FBXW7: variants seen among roughly 807,000 people sequenced by gnomAD.
The protein encoded by FBXW7 is F-box and WD repeat domain containing 7, also known as F-box/WD repeat-containing protein 7.
In FBXW7, 11 loss-of-function variants were observed where a neutral mutation model predicts 86.3. The observed-to-expected ratio is 0.13, with a 90% CI of 0.08 to 0.21. The LOEUF is 0.21. FBXW7 is among the 10% of genes least tolerant of loss of function. The pLI is 1.00. For missense variants in FBXW7, 488 were observed against 847.4 expected (o/e 0.58, Z 5.27); for synonymous variants, 313 against 297.9 (o/e 1.05, Z -0.52).
chr4:152,327,543 G>T lies in FBXW7; in HGVS notation c.1418+665C>A, dbSNP rs60829330. Among the ~76,000 whole-genome samples the T allele has an allele frequency of 1.0e-2, 1,520 of 152,150 alleles. 21 individuals are homozygous for T. The highest frequency in any genetic ancestry group is 0.043 in the East Asian group (222 of 5,182). On this transcript the variant is annotated intron_variant, in intron 11 of 13. Coordinates refer to ENST00000281708, the MANE Select transcript of FBXW7 (RefSeq NM_001349798.2). ...AGATAAAAGCAACAGCAAAGGCACT[G>T]AGAAGAGAAAGTCAAAAAGTCCAGT...
chr4:152,516,468 C>G (rs1748507171), intron 2 of FBXW7, among the ~76,000 whole-genome samples: 1 of 152,180 alleles, frequency 6.6e-6, no homozygotes, highest in East Asian at 1.9e-4. Context: ...CCCGCATCCA[C>G]GGAAAAACTG....
intron 4 of FBXW7, among the ~76,000 whole-genome samples, chr4:152,382,873 C>A (rs562473908): frequency 6.6e-6 from 1 of 151,912 alleles, no homozygotes; most frequent in Non-Finnish European, 1.5e-5. Context: ...ACTGTGTTTA[C>A]GTATGGTTTA....
chr4:152,349,174 G>C (rs1560789223), intron 5 of FBXW7, among the ~76,000 whole-genome samples: 1 of 151,896 alleles, frequency 6.6e-6, no homozygotes, highest in African/African-American at 2.4e-5. Flanking sequence ...GCATCTTATA[G>C]AATAAAAATA....
At chr4:152,351,662 G>A (rs753313574) in intron 4 of FBXW7, among the ~76,000 whole-genome samples, 46 of 152,102 alleles carry the variant, frequency 3.0e-4, no homozygotes, top group African/African-American at 1.1e-3. Context: ...TACAGACTAT[G>A]TTAAAATCTA....
In FBXW7 at chr4:152,444,359, T is replaced by C. The variant is rs1741184996; in HGVS notation, c.-119-31830A>G. Among the ~76,000 whole-genome samples the C allele has an allele frequency of 2.0e-5, 3 of 151,854 alleles. No homozygotes were observed. The South Asian group carries it at 6.2e-4, about 31-fold the overall frequency. ...AAACCATTTATCTGATGTTTGAAATTGAGTTGTTTCCAGTTTTTCACCATT... is the reference window on the plus strand; with the variant it reads ...AAACCATTTATCTGATGTTTGAAATCGAGTTGTTTCCAGTTTTTCACCATT... On this transcript the variant is annotated intron_variant, in intron 2 of 13. Coordinates refer to ENST00000281708, the MANE Select transcript of FBXW7 (RefSeq NM_001349798.2).
chr4:152,352,927 T>C (rs1346760816), intron 4 of FBXW7: 3 of 1,418,402 alleles, frequency 2.1e-6, no homozygotes, highest in Non-Finnish European at 2.8e-6. Context: ...GCACATCAAT[T>C]ATATGGTGAT....
chr4:152,517,486 T>C (rs907880282), intron 2 of FBXW7, among the ~76,000 whole-genome samples: 1 of 152,090 alleles, frequency 6.6e-6, no homozygotes, highest in Non-Finnish European at 1.5e-5. Flanking sequence ...ATAAATAATA[T>C]ATAAGAAATA....
At chr4:152,323,388 A>G in intron 13 of FBXW7, 1 of 550,766 alleles carries the variant, frequency 1.8e-6, no homozygotes, top group Non-Finnish European at 3.2e-6. Flanking sequence ...AAGCTTGGTT[A>G]GCTACCAGAC....
intron 2 of FBXW7, among the ~76,000 whole-genome samples, chr4:152,471,436 G>A (rs1318284564): frequency 8.0e-6 from 1 of 124,282 alleles, no homozygotes; most frequent in Admixed American, 8.7e-5. Context: ...AAGGAAGGAG[G>A]GAAGGAAAGA....
chr4:152,388,189 A>G (rs944859267), intron 4 of FBXW7, among the ~76,000 whole-genome samples: 1 of 152,166 alleles, frequency 6.6e-6, no homozygotes, highest in Non-Finnish European at 1.5e-5. Flanking sequence ...TTCCAATTAT[A>G]ATGTATTTGA....
At chr4:152,394,023 C>T (rs1736208411) in intron 4 of FBXW7, among the ~76,000 whole-genome samples, 1 of 152,084 alleles carries the variant, frequency 6.6e-6, no homozygotes, top group African/African-American at 2.4e-5. Flanking sequence ...ATACTTATTA[C>T]AAGGAATGAA....
intron 5 of FBXW7, among the ~76,000 whole-genome samples, chr4:152,348,138 C>T (rs879811578): frequency 3.3e-5 from 5 of 151,884 alleles, no homozygotes; most frequent in Non-Finnish European, 7.4e-5. Flanking sequence ...TGAAACAACT[C>T]CTCCAGCTGT....
chr4:152,505,837 G>T (rs1377518503), intron 2 of FBXW7, among the ~76,000 whole-genome samples: 1 of 151,594 alleles, frequency 6.6e-6, no homozygotes, highest in Admixed American at 6.6e-5. Flanking sequence ...TGCCTCCCAG[G>T]TTCAAGCAAT....
At chr4:152,423,072 T>C (rs894982559) in intron 2 of FBXW7, among the ~76,000 whole-genome samples, 1 of 152,218 alleles carries the variant, frequency 6.6e-6, no homozygotes, top group African/African-American at 2.4e-5. Flanking sequence ...AGAGGCTTTA[T>C]TGAACTTGGT....
At chr4:152,335,458 ACT>A (rs1255889424) in intron 7 of FBXW7, among the ~76,000 whole-genome samples, 1 of 152,010 alleles carries the variant, frequency 6.6e-6, no homozygotes, top group Non-Finnish European at 1.5e-5. Context: ...ACAGAGTGAG[ACT>A]CTTGTCTGTC....
At position 152,477,055 on chromosome 4, in the gene FBXW7, C is replaced by CA. The variant is rs768143626; in HGVS notation, c.-120+57885dup. ...TGGGAACCAGGGCTTGGAAAAGCGGCAAAAAAAAAAAAAGGAAGCTAATAC... is the reference window on the plus strand; with the variant it reads ...TGGGAACCAGGGCTTGGAAAAGCGGCAAAAAAAAAAAAAAGGAAGCTAATAC... On this transcript the variant is annotated intron_variant, in intron 2 of 13. Coordinates refer to ENST00000281708, the MANE Select transcript of FBXW7 (RefSeq NM_001349798.2). 8.4e-3 allele frequency among the ~76,000 whole-genome samples: 1,097 copies of CA among 131,162 alleles called. 7 individuals carry two copies. The highest frequency in any genetic ancestry group is 0.011 in the Non-Finnish European group (663 of 60,442). 86.0% of individuals were successfully genotyped at this position (131,162 alleles called of 152,430 possible). A position where few individuals can be genotyped will look rare whatever the true frequency, so the allele number is the denominator to read the frequency against.
chr4:152,531,826 T>C (rs1750048082), intron 2 of FBXW7, among the ~76,000 whole-genome samples: 1 of 152,042 alleles, frequency 6.6e-6, no homozygotes, highest in Admixed American at 6.6e-5. Context: ...TATTATTAAG[T>C]ATACTCTTCT....
At chr4:152,352,708 A>C in intron 4 of FBXW7, 2 of 1,613,900 alleles carry the variant, frequency 1.2e-6, no homozygotes, top group Non-Finnish European at 1.7e-6. Context: ...GCTCAGTATC[A>C]AACCGCTTCT....
intron 4 of FBXW7, among the ~76,000 whole-genome samples, chr4:152,405,095 TAAAAAAAAA>T (rs11394424): frequency 2.5e-5 from 2 of 79,036 alleles, no homozygotes; most frequent in African/African-American, 5.1e-5. Flanking sequence ...GACCTTGTCT[TAAAAAAAAA>T]AAAAAAAAAA....
Sources: allele counts gnomAD v4.1 joint callset (sites outside exome capture counted in the v4.1 genomes callset), GRCh38; gene constraint gnomAD v4.1.1; transcripts MANE v1.5; gene names NCBI Gene and HGNC (gene_info 2026-07-23, HGNC 2026-07-21).